ZNF445: variants seen among roughly 807,000 people sequenced by gnomAD.
ZNF445 encodes zinc finger protein 168.
ZNF445 carries 19 observed loss-of-function variants against 93.9 expected under a neutral mutation model. The ratio of observed to expected loss-of-function variants is 0.20; its 90% CI spans 0.14 to 0.30. The LOEUF (loss-of-function observed/expected upper bound fraction) is 0.30, where lower values mean the gene tolerates loss of function less well. ZNF445 is among the 10% of genes least tolerant of loss of function. ZNF445 has a pLI of 1.00. For missense variants in ZNF445, 1,058 were observed against 1,259.4 expected, an observed-to-expected ratio of 0.84 and a Z score of 2.42; for synonymous variants, 449 against 446.3, an observed-to-expected ratio of 1.01 and a Z score of -0.08.
Position 44,432,706 on chromosome 3 carries a change from C to T in ZNF445, c.*13869G>A, listed in dbSNP as rs1016095023. ...CCCAGCATAATGTTTGATCAAATACCTGGGGACCTTGTGGCTCAGCCAAGT... is the reference window on the plus strand; with the variant it reads ...CCCAGCATAATGTTTGATCAAATACTTGGGGACCTTGTGGCTCAGCCAAGT... On this transcript the variant is annotated 3_prime_UTR_variant, in exon 8 of 8. Transcript: ENST00000396077. 1 of 152,196 alleles carries T rather than the reference C, an allele frequency of 6.6e-6. No homozygotes were observed. Among genetic ancestry groups the T allele is most frequent in the African/African-American group, 2.4e-5 (1 of 41,430 alleles). The allele number at this position is 152,196 out of a possible 1,614,324, so 9.4% of individuals were successfully genotyped here. A position where few individuals can be genotyped will look rare whatever the true frequency, so the allele number is the denominator to read the frequency against.
At position 44,442,282 on chromosome 3, in the gene ZNF445, T is replaced by C. The variant is rs1697821778; in HGVS notation, c.*4293A>G. Reference sequence around the variant, plus strand: ...GCAGGCTTTTCCCAATCTTGCTACCTAAACAATACTTCAGTGAAGTCTTAA... The same window carrying C: ...GCAGGCTTTTCCCAATCTTGCTACCCAAACAATACTTCAGTGAAGTCTTAA... On this transcript the variant is annotated 3_prime_UTR_variant, in exon 8 of 8. Transcript: ENST00000396077. 6.6e-6 allele frequency: 1 copy of C among 152,250 alleles called. No homozygotes were observed. The allele number at this position is 152,250 out of a possible 1,614,324, so 9.4% of individuals were successfully genotyped here. A position where few individuals can be genotyped will look rare whatever the true frequency, so the allele number is the denominator to read the frequency against.
rs1157140680 is a variant in ZNF445 at position 44,445,245 on chromosome 3, G to A, written c.*1330C>T. On this transcript the variant is annotated 3_prime_UTR_variant, in exon 8 of 8. Transcript: ENST00000396077. ...ATCTGCTGAGGCCGAGGATCCTATA[G>A]AAAATTCAGAAACGGAGTGGGGAGG... 1 of 152,408 alleles carries A rather than the reference G, an allele frequency of 6.6e-6. No homozygotes were observed. Among genetic ancestry groups the A allele is most frequent in the East Asian group, 1.9e-4 (1 of 5,188 alleles). 9.4% of individuals were successfully genotyped at this position (152,408 alleles called of 1,614,324 possible). A position where few individuals can be genotyped will look rare whatever the true frequency, so the allele number is the denominator to read the frequency against.
intron 1 of ZNF445, among the ~76,000 whole-genome samples, chr3:44,465,655 G>A (rs1698182361): frequency 6.6e-6 from 1 of 152,220 alleles, no homozygotes; most frequent in African/African-American, 2.4e-5. Flanking sequence ...GCTCACACCT[G>A]TAATCCTAGC....
chr3:44,433,172 G>A lies in ZNF445; in HGVS notation c.*13403C>T, dbSNP rs1470896636. 6.6e-6 allele frequency: 1 copy of A among 151,416 alleles called. No individual in the cohort carries two copies. The highest frequency in any genetic ancestry group is 2.4e-5 in the African/African-American group (1 of 41,114). The allele number at this position is 151,416 out of a possible 1,614,324, so 9.4% of individuals were successfully genotyped here. A position where few individuals can be genotyped will look rare whatever the true frequency, so the allele number is the denominator to read the frequency against. ...TCTGTTGTCCAGGCTGGAGTGCAGT[G>A]GCACTATCTCGGCTCACCACAACGT... On this transcript the variant is annotated 3_prime_UTR_variant, in exon 8 of 8. Coordinates refer to ENST00000396077, the MANE Select transcript of ZNF445 (RefSeq NM_181489.6).
chr3:44,448,352 A>G lies in ZNF445; in HGVS notation c.1319T>C (p.Met440Thr). Residue 440 changes from methionine (M) to threonine (T), a missense_variant, in exon 8 of 8, where the codon ATG becomes ACG. Met to Thr is a moderately conservative substitution (Grantham distance 81). Coordinates refer to ENST00000396077, the MANE Select transcript of ZNF445 (RefSeq NM_181489.6). ...YKKYGKGLRH[M>T]IGGFSLHQRI... ...CTGATGTAGGCTGAAGCCCCCAATC[A>G]TGTGTCTGAGCCCCTTCCCATATTT... 1.9e-6 allele frequency: 3 copies of G among 1,614,124 alleles called. No homozygotes were observed. The highest frequency in any genetic ancestry group is 1.3e-5 in the African/African-American group (1 of 75,026).
At chr3:44,469,773 A>G (rs1389829127) in intron 1 of ZNF445, among the ~76,000 whole-genome samples, 5 of 151,912 alleles carry the variant, frequency 3.3e-5, no homozygotes, top group Non-Finnish European at 7.4e-5. Context: ...CATCTCAAAA[A>G]CAAAAACAAA....
At chr3:44,454,725 C>T (rs1038020002) in intron 3 of ZNF445, among the ~76,000 whole-genome samples, 1 of 152,020 alleles carries the variant, frequency 6.6e-6, no homozygotes, top group African/African-American at 2.4e-5. Flanking sequence ...TATGCCTGGC[C>T]TAATTTTTAA....
chr3:44,465,119 T>C (rs1348411231), intron 1 of ZNF445, among the ~76,000 whole-genome samples: 1 of 136,516 alleles, frequency 7.3e-6, no homozygotes, highest in Non-Finnish European at 1.6e-5. Context: ...TCACTAAAAA[T>C]AAAATTTGCT....
chr3:44,471,696 T>A (rs994070975), intron 1 of ZNF445, among the ~76,000 whole-genome samples: 2 of 152,076 alleles, frequency 1.3e-5, no homozygotes, highest in Non-Finnish European at 2.9e-5. Context: ...CATGCAATCA[T>A]CCAGGGATAA....
Position 44,433,562 on chromosome 3 carries a change from G to C in ZNF445, c.*13013C>G, listed in dbSNP as rs1190793503. The C allele has an allele frequency of 6.6e-6, 1 of 152,266 alleles. No individual in the cohort carries two copies. Among genetic ancestry groups the C allele is most frequent in the Non-Finnish European group, 1.5e-5 (1 of 68,104 alleles). 9.4% of individuals were successfully genotyped at this position (152,266 alleles called of 1,614,324 possible). A position where few individuals can be genotyped will look rare whatever the true frequency, so the allele number is the denominator to read the frequency against. Reference sequence around the variant, plus strand: ...CCAGAACCCACGTCAGGCCATTACTGGGGGGTCTGATGGGGTTATGAGAGA... The same window carrying C: ...CCAGAACCCACGTCAGGCCATTACTCGGGGGTCTGATGGGGTTATGAGAGA... On this transcript the variant is annotated 3_prime_UTR_variant, in exon 8 of 8. Coordinates refer to ENST00000396077, the MANE Select transcript of ZNF445 (RefSeq NM_181489.6).
chr3:44,446,644 G>A lies in ZNF445; in HGVS notation c.3027C>T (p.Ser1009=). 1.2e-6 allele frequency: 2 copies of A among 1,614,210 alleles called. No individual in the cohort carries two copies. Among genetic ancestry groups the A allele is most frequent in the East Asian group, 2.2e-5 (1 of 44,888 alleles). The change falls in exon 8 of 8, where the codon AGC becomes AGT. Residue 1009 remains serine (S), a synonymous_variant. Coordinates refer to ENST00000396077, the MANE Select transcript of ZNF445 (RefSeq NM_181489.6). The surrounding 1 kb of genome is among the most constrained non-coding windows in gnomAD (Gnocchi z 4.2). ...ACCACCTGAAGGTCTTTCCACACTT[G>A]CTGCATTTGAAGGGCCTCTCTCGAG... ...FHTRERPFKC[S]KCGKTFRWSS...
At chr3:44,467,272 T>C (rs1384029583) in intron 1 of ZNF445, among the ~76,000 whole-genome samples, 2 of 152,260 alleles carry the variant, frequency 1.3e-5, no homozygotes, top group African/African-American at 2.4e-5. Context: ...ATCCAGAATT[T>C]GGAAACTATA....
In ZNF445 at chr3:44,449,527, A is replaced by G. The variant is rs891552972; in HGVS notation, c.917T>C (p.Val306Ala). ...CTGGAACTCACCTGTAGGAGCAGCA[A>G]CTGGATTCCCCTTAGGCTGAGCTGC... ...MQAAQPKGNP[V>A]AAPTGDDLQS... The change falls in exon 7 of 8, where the codon GTT becomes GCT. Residue 306 changes from valine to alanine, a missense_variant. Around this residue, in one of 3 missense-constraint regions of ZNF445, gnomAD observed 657 missense variants for 746.4 expected, o/e 0.88. Coordinates refer to ENST00000396077, the MANE Select transcript of ZNF445 (RefSeq NM_181489.6). 8 of 1,613,992 alleles carry G rather than the reference A, an allele frequency of 5.0e-6. No homozygotes were observed. The highest frequency in any genetic ancestry group is 5.9e-6 in the Non-Finnish European group (7 of 1,179,976).
chr3:44,461,470 G>C (rs1298017101), intron 1 of ZNF445, among the ~76,000 whole-genome samples: 2 of 152,178 alleles, frequency 1.3e-5, no homozygotes, highest in Non-Finnish European at 2.9e-5. Flanking sequence ...GTTGCTGATG[G>C]AAGTCCAGCA....
At chr3:44,475,952 T>C (rs1698345529) in intron 1 of ZNF445, among the ~76,000 whole-genome samples, 1 of 152,090 alleles carries the variant, frequency 6.6e-6, no homozygotes, top group African/African-American at 2.4e-5. Flanking sequence ...TGAGCCGAGT[T>C]TGCACCACTG....
At chr3:44,466,773 A>G (rs577450000) in intron 1 of ZNF445, among the ~76,000 whole-genome samples, 1 of 152,200 alleles carries the variant, frequency 6.6e-6, no homozygotes, top group Non-Finnish European at 1.5e-5. Flanking sequence ...TTTCAAATAG[A>G]TGAATGGTGT....
intron 1 of ZNF445, among the ~76,000 whole-genome samples, chr3:44,477,151 T>A (rs1441615649): frequency 1.3e-5 from 2 of 152,214 alleles, no homozygotes; most frequent in Non-Finnish European, 2.9e-5. Flanking sequence ...ACAGGTTTTT[T>A]AAAAAGCAAG....
chr3:44,463,011 TTGTGTGTGTGTG>T (rs61329186), intron 1 of ZNF445, among the ~76,000 whole-genome samples: 1,845 of 144,236 alleles, frequency 0.013, 31 homozygotes, highest in African/African-American at 0.04. Context: ...ATTTTTTTCT[TTGTGTGTGTGTG>T]TGTGTGTGTG....
At chr3:44,463,860 G>C (rs1698155017) in intron 1 of ZNF445, among the ~76,000 whole-genome samples, 1 of 151,804 alleles carries the variant, frequency 6.6e-6, no homozygotes, top group African/African-American at 2.4e-5. Flanking sequence ...GGTCATGGTA[G>C]CTCATGCCTG....
Sources: gnomAD v4.1 joint callset for allele counts (sites outside exome capture counted in the v4.1 genomes callset) on GRCh38, gnomAD v4.1.1 for gene constraint, gnomAD v4.1.1 regional missense constraint, Gnocchi (gnomAD v3.1) non-coding constraint, MANE v1.5 for transcripts, NCBI Gene and HGNC (gene_info 2026-07-23, HGNC 2026-07-21) for gene names.